Variants in NKAIN2 observed in about 807,000 individuals in gnomAD.
NKAIN2 encodes sodium/potassium-transporting ATPase subunit beta-1-interacting protein 2.
In NKAIN2, 14 loss-of-function variants were observed where a neutral mutation model predicts 32.6. The ratio of observed to expected loss-of-function variants is 0.43; its 90% confidence interval spans 0.28 to 0.67. NKAIN2 has a LOEUF of 0.67. Among genes scored for constraint, NKAIN2 ranks in the 30% least tolerant of loss-of-function variants. The pLI, the probability that NKAIN2 is intolerant of heterozygous loss-of-function variation, is 0.17. For missense variants in NKAIN2, 198 were observed against 258.3 expected (o/e 0.77, Z 1.60); for synonymous variants, 80 against 87.2 (o/e 0.92, Z 0.46).
At chr6:124,817,877 C>T (rs1215097129) in intron 5 of NKAIN2, among the ~76,000 whole-genome samples, 1 of 152,144 alleles carries the variant, frequency 6.6e-6, no homozygotes, top group Non-Finnish European at 1.5e-5. Flanking sequence ...GCAGGGACAG[C>T]AATGTTGAGT....
intron 1 of NKAIN2, among the ~76,000 whole-genome samples, chr6:123,885,800 T>C (rs1339605396): frequency 1.3e-5 from 2 of 152,026 alleles, no homozygotes; most frequent in Admixed American, 6.6e-5. Context: ...GTATGAATTT[T>C]CCATTTTGCA....
chr6:124,094,307 CCTTAT>C (rs1224601937), intron 1 of NKAIN2, among the ~76,000 whole-genome samples: 1 of 151,996 alleles, frequency 6.6e-6, no homozygotes, highest in African/African-American at 2.4e-5. Context: ...AGTATCAGAG[CCTTAT>C]CTTATATCTC....
intron 1 of NKAIN2, among the ~76,000 whole-genome samples, chr6:124,138,065 A>G (rs1161450822): frequency 1.3e-5 from 2 of 152,194 alleles, no homozygotes; most frequent in Non-Finnish European, 1.5e-5. Flanking sequence ...ATAAATAGAC[A>G]ACCCACAGAG....
At chr6:124,426,991 T>C (rs1251989898) in intron 3 of NKAIN2, among the ~76,000 whole-genome samples, 1 of 152,204 alleles carries the variant, frequency 6.6e-6, no homozygotes, top group Non-Finnish European at 1.5e-5. Flanking sequence ...CTTGTATAAA[T>C]TGCCCAGTCT....
chr6:123,931,620 TTCA>T (rs1776256634), intron 1 of NKAIN2, among the ~76,000 whole-genome samples: 1 of 152,084 alleles, frequency 6.6e-6, no homozygotes, highest in Non-Finnish European at 1.5e-5. Context: ...TTCTTCATGC[TTCA>T]TCATTTTTTT....
chr6:124,365,071 T>C (rs144141344), intron 3 of NKAIN2, among the ~76,000 whole-genome samples: 113 of 151,656 alleles, frequency 7.5e-4, no homozygotes, highest in African/African-American at 2.7e-3. Flanking sequence ...AGGTGAAAAA[T>C]TAAATAATGA....
At chr6:124,444,146 A>G (rs1322820598) in intron 3 of NKAIN2, among the ~76,000 whole-genome samples, 1 of 152,086 alleles carries the variant, frequency 6.6e-6, no homozygotes, top group African/African-American at 2.4e-5. Context: ...TATTGTTGAT[A>G]AATTATTGAT....
intron 1 of NKAIN2, among the ~76,000 whole-genome samples, chr6:124,054,486 G>A (rs1782557957): frequency 6.6e-6 from 1 of 152,074 alleles, no homozygotes; most frequent in South Asian, 2.1e-4. Context: ...TGTATTGCAA[G>A]AGTATTCCTG....
chr6:124,654,237 T>C (rs767712438), intron 3 of NKAIN2, among the ~76,000 whole-genome samples: 1 of 152,116 alleles, frequency 6.6e-6, no homozygotes, highest in South Asian at 2.1e-4. Flanking sequence ...GAAAGAACCG[T>C]GGACAAGAAA....
chr6:124,418,363 C>T (rs963982720), intron 3 of NKAIN2, among the ~76,000 whole-genome samples: 4 of 151,750 alleles, frequency 2.6e-5, no homozygotes, highest in African/African-American at 9.7e-5. Flanking sequence ...GTCGGGTCTT[C>T]CAAGATGATT....
intron 3 of NKAIN2, among the ~76,000 whole-genome samples, chr6:124,424,028 CT>C (rs1453349231): frequency 2.6e-5 from 4 of 152,132 alleles, no homozygotes; most frequent in Non-Finnish European, 4.4e-5. Context: ...GAGTCTGGCT[CT>C]GTTGCCCAGG....
chr6:124,236,216 A>G (rs1379486157), intron 1 of NKAIN2, among the ~76,000 whole-genome samples: 2 of 152,206 alleles, frequency 1.3e-5, no homozygotes. Context: ...GTGATATGTA[A>G]TAAAGTATAT....
chr6:124,093,490 A>G (rs112299458), intron 1 of NKAIN2, among the ~76,000 whole-genome samples: 60 of 152,292 alleles, frequency 3.9e-4, no homozygotes, highest in African/African-American at 1.3e-3. Flanking sequence ...CACCTAGTAC[A>G]TAACCTTCAA....
At chr6:123,880,744 T>G (rs778210732) in intron 1 of NKAIN2, among the ~76,000 whole-genome samples, 1 of 152,158 alleles carries the variant, frequency 6.6e-6, no homozygotes, top group African/African-American at 2.4e-5. Flanking sequence ...TGAGTCACTT[T>G]GGTGTAATGC....
At chr6:124,553,137 G>T (rs1372602743) in intron 3 of NKAIN2, among the ~76,000 whole-genome samples, 2 of 152,112 alleles carry the variant, frequency 1.3e-5, no homozygotes, top group African/African-American at 2.4e-5. Flanking sequence ...AATTGGAGTT[G>T]CTTGGGTAAA....
At chr6:124,010,320 A>G (rs1780268513) in intron 1 of NKAIN2, among the ~76,000 whole-genome samples, 1 of 152,066 alleles carries the variant, frequency 6.6e-6, no homozygotes, top group Admixed American at 6.6e-5. Flanking sequence ...CTGGTGGTCA[A>G]AGTTATAGAA....
intron 3 of NKAIN2, among the ~76,000 whole-genome samples, chr6:124,557,141 A>C (rs1583434653): frequency 6.6e-6 from 1 of 152,322 alleles, no homozygotes; most frequent in South Asian, 2.1e-4. Context: ...TATAACATTA[A>C]CATAGGCAAA....
At chr6:123,824,117 C>T (rs1174727090) in intron 1 of NKAIN2, among the ~76,000 whole-genome samples, 1 of 152,104 alleles carries the variant, frequency 6.6e-6, no homozygotes, top group Non-Finnish European at 1.5e-5. Flanking sequence ...TTAGGAAGCA[C>T]TTTTGACCTT....
intron 3 of NKAIN2, among the ~76,000 whole-genome samples, chr6:124,408,451 G>A (rs1029658976): frequency 4.6e-5 from 7 of 152,250 alleles, no homozygotes; most frequent in South Asian, 2.1e-4. Context: ...TATTAAATAG[G>A]GAATCCTTTC....
Sources: allele counts gnomAD v4.1 joint callset (sites outside exome capture counted in the v4.1 genomes callset), GRCh38; gene constraint gnomAD v4.1.1; transcripts MANE v1.5; gene names NCBI Gene and HGNC (gene_info 2026-07-23, HGNC 2026-07-21).